WDPCP: variants seen among roughly 807,000 people sequenced by gnomAD.
WDPCP encodes the protein WD repeat-containing and planar cell polarity effector protein fritz homolog.
In WDPCP, 71 loss-of-function variants were observed where a neutral mutation model predicts 93.1. That is an observed-to-expected ratio of 0.76 (90% CI 0.63 to 0.93). The LOEUF is 0.93. WDPCP is among the 40% of genes least tolerant of loss of function. The pLI is 0.00. For synonymous variants in WDPCP, 315 were observed against 315.0 expected (o/e 1.00, Z 0.00); for missense variants, 844 against 887.4 (o/e 0.95, Z 0.62).
intron 9 of WDPCP, among the ~76,000 whole-genome samples, chr2:63,407,903 G>A (rs981413200): frequency 2.0e-5 from 3 of 152,190 alleles, no homozygotes; most frequent in African/African-American, 7.2e-5. Flanking sequence ...AGTAGAGCCT[G>A]TACTCACAAA....
intron 3 of WDPCP, among the ~76,000 whole-genome samples, chr2:63,598,420 C>T (rs1421861343): frequency 1.3e-5 from 2 of 152,160 alleles, no homozygotes; most frequent in Non-Finnish European, 2.9e-5. Flanking sequence ...TGAGCCACCA[C>T]GCCCAGCCAA....
At chr2:63,686,449 A>C (rs1197273316) in intron 2 of WDPCP, among the ~76,000 whole-genome samples, 1 of 152,230 alleles carries the variant, frequency 6.6e-6, no homozygotes, top group East Asian at 1.9e-4. Context: ...GAGAACATTA[A>C]AAAATGGAAA....
intron 3 of WDPCP, among the ~76,000 whole-genome samples, chr2:63,604,156 T>C (rs1709483635): frequency 6.6e-6 from 1 of 152,236 alleles, no homozygotes; most frequent in Non-Finnish European, 1.5e-5. Flanking sequence ...ATATATAAAA[T>C]GAGGACAGTC....
chr2:63,197,780 C>T (rs1010947431), intron 14 of WDPCP, among the ~76,000 whole-genome samples: 1 of 152,204 alleles, frequency 6.6e-6, no homozygotes, highest in Non-Finnish European at 1.5e-5. Flanking sequence ...CCAGTTCTAT[C>T]CATGTTGCTG....
At chr2:63,135,241 C>T (rs1443742043) in intron 17 of WDPCP, among the ~76,000 whole-genome samples, 2 of 152,196 alleles carry the variant, frequency 1.3e-5, no homozygotes, top group African/African-American at 4.8e-5. Flanking sequence ...TCTCAGTGAA[C>T]GTGTTCATAA....
At chr2:63,490,394 A>C (rs1282432972) in intron 2 of WDPCP, among the ~76,000 whole-genome samples, 1 of 152,164 alleles carries the variant, frequency 6.6e-6, no homozygotes, top group Non-Finnish European at 1.5e-5. Context: ...TTCAAGAAAA[A>C]AAATTCTCTG....
At chr2:63,302,560 C>T (rs1172185104) in intron 13 of WDPCP, among the ~76,000 whole-genome samples, 3 of 152,168 alleles carry the variant, frequency 2.0e-5, no homozygotes, top group Non-Finnish European at 4.4e-5. Context: ...AACCCAGAAG[C>T]CTGACATGCC....
chr2:63,173,252 G>T (rs1331705828), intron 15 of WDPCP, among the ~76,000 whole-genome samples: 2 of 145,056 alleles, frequency 1.4e-5, no homozygotes, highest in African/African-American at 5.2e-5. Flanking sequence ...TGGGCAACTA[G>T]AGCGAAACTC....
chr2:63,809,651 T>G (rs1364379721), intron 2 of WDPCP, among the ~76,000 whole-genome samples: 1 of 152,030 alleles, frequency 6.6e-6, no homozygotes, highest in Non-Finnish European at 1.5e-5. Context: ...CTGTGTCCAC[T>G]CAGGGTTAAA....
At chr2:63,753,636 T>A (rs72889380) in intron 2 of WDPCP, among the ~76,000 whole-genome samples, 14,040 of 151,424 alleles carry the variant, frequency 0.093, 1,027 homozygotes, top group African/African-American at 0.21. Flanking sequence ...AGGTGGGAGG[T>A]GCTACACACT....
chr2:63,331,315 G>C (rs1687961464), intron 12 of WDPCP, among the ~76,000 whole-genome samples: 1 of 152,088 alleles, frequency 6.6e-6, no homozygotes, highest in Non-Finnish European at 1.5e-5. Flanking sequence ...ATGTTAACTT[G>C]ATTATTTTTA....
chr2:63,429,320 C>T (rs759317800), intron 9 of WDPCP, among the ~76,000 whole-genome samples: 1 of 151,950 alleles, frequency 6.6e-6, no homozygotes, highest in Non-Finnish European at 1.5e-5. Flanking sequence ...AAAGCAAATA[C>T]AAGAAAAACA....
intron 13 of WDPCP, among the ~76,000 whole-genome samples, chr2:63,261,874 T>C (rs1012498635): frequency 2.0e-5 from 3 of 152,164 alleles, no homozygotes; most frequent in African/African-American, 4.8e-5. Flanking sequence ...TAAATCTCCC[T>C]AAGGAAATGA....
At chr2:63,246,209 A>G (rs1490444627) in intron 14 of WDPCP, among the ~76,000 whole-genome samples, 4 of 152,114 alleles carry the variant, frequency 2.6e-5, no homozygotes, top group Non-Finnish European at 2.9e-5. Context: ...CATCCTTGCT[A>G]TTTTCCAGGA....
intron 13 of WDPCP, among the ~76,000 whole-genome samples, chr2:63,284,013 A>G (rs893900204): frequency 6.6e-6 from 1 of 152,236 alleles, no homozygotes; most frequent in African/African-American, 2.4e-5. Flanking sequence ...TATATCGGAT[A>G]GATACTTGGA....
intron 2 of WDPCP, among the ~76,000 whole-genome samples, chr2:63,668,128 A>G (rs1208295958): frequency 1.3e-5 from 2 of 152,216 alleles, no homozygotes; most frequent in African/African-American, 4.8e-5. Context: ...TGGCCACTAT[A>G]CGGCAGAACA....
chr2:63,326,290 G>C (rs569957556), intron 12 of WDPCP, among the ~76,000 whole-genome samples: 1 of 152,264 alleles, frequency 6.6e-6, no homozygotes, highest in Admixed American at 6.5e-5. Context: ...TATGCCGCCC[G>C]AGATGATCTC....
intron 15 of WDPCP, among the ~76,000 whole-genome samples, chr2:63,158,230 G>A (rs1672396706): frequency 6.6e-6 from 1 of 152,036 alleles, no homozygotes; most frequent in Admixed American, 6.6e-5. Flanking sequence ...GATATGGTCT[G>A]TTTTGGTAAA....
intron 2 of WDPCP, among the ~76,000 whole-genome samples, chr2:63,688,038 C>T (rs895233468): frequency 6.6e-6 from 1 of 152,204 alleles, no homozygotes; most frequent in Non-Finnish European, 1.5e-5. Context: ...TTTGCAACAA[C>T]ATGGATGGAA....
Sources: allele counts gnomAD v4.1 joint callset (sites outside exome capture counted in the v4.1 genomes callset), GRCh38; gene constraint gnomAD v4.1.1; transcripts MANE v1.5; gene names NCBI Gene and HGNC (gene_info 2026-07-23, HGNC 2026-07-21).